GGT7: variants seen among roughly 807,000 people sequenced by gnomAD.
The protein encoded by GGT7 is glutathione hydrolase 7.
A neutral mutation model predicts 69.2 loss-of-function variants in GGT7; 30 were observed. That is an observed-to-expected ratio of 0.43 (90% confidence interval 0.32 to 0.59). The LOEUF is 0.59. GGT7 is among the 20% of genes least tolerant of loss of function. The pLI, the probability that GGT7 is intolerant of heterozygous loss-of-function variation, is 0.05. For missense variants in GGT7, 733 were observed against 901.1 expected, an observed-to-expected ratio of 0.81 and a Z score of 2.39; for synonymous variants, 388 against 391.8, an observed-to-expected ratio of 0.99 and a Z score of 0.12.
At chr20:34,865,997 A>G (rs2079684306) in intron 1 of GGT7, among the ~76,000 whole-genome samples, 1 of 152,212 alleles carries the variant, frequency 6.6e-6, no homozygotes, top group South Asian at 2.1e-4. Flanking sequence ...CTATGTGATA[A>G]TATTAAAAAC....
chr20:34,849,916 A>G (rs2079361155), intron 14 of GGT7, 45 bp downstream of exon 14: 1 of 1,195,826 alleles, frequency 8.4e-7, no homozygotes, highest in Non-Finnish European at 1.2e-6. Context: ...TCCTTTCTCT[A>G]CCTGTCCCTG....
intron 1 of GGT7, among the ~76,000 whole-genome samples, chr20:34,871,231 G>A (rs1399065034): frequency 1.3e-5 from 2 of 152,184 alleles, no homozygotes; most frequent in Non-Finnish European, 2.9e-5. Flanking sequence ...AAGAAAACAT[G>A]TCAGGCAGTT....
chr20:34,868,115 C>T (rs573318514), intron 1 of GGT7, among the ~76,000 whole-genome samples: 2 of 93,464 alleles, frequency 2.1e-5, no homozygotes, highest in South Asian at 5.1e-4. Flanking sequence ...ATCCGCCCGC[C>T]TTGGCCTCCC....
chr20:34,862,950 C>T lies in GGT7; in HGVS notation c.421G>A (p.Ala141Thr), dbSNP rs2079623460. 3.7e-6 allele frequency: 6 copies of T among 1,613,152 alleles called. No homozygotes were observed. In the East Asian group the frequency reaches 1.1e-4, roughly 30 times the overall value. ...CAGCGGGCAGCATCGGTCACCACGGCACCCTGCTGGAAGATCTGGGAGGGG... is the reference window on the plus strand; with the variant it reads ...CAGCGGGCAGCATCGGTCACCACGGTACCCTGCTGGAAGATCTGGGAGGGG... ...FGDPQIFQQG[A>T]VVTDAARCTS... The change falls in exon 3 of 15, where the codon GCC becomes ACC. Residue 141 changes from alanine to threonine, a missense_variant. Physicochemically the swap from Ala to Thr is moderately conservative, Grantham distance 58. Coordinates refer to ENST00000336431, the MANE Select transcript of GGT7 (RefSeq NM_178026.3).
chr20:34,865,246 A>C (rs571554780), intron 1 of GGT7, among the ~76,000 whole-genome samples: 120 of 152,274 alleles, frequency 7.9e-4, no homozygotes, highest in Non-Finnish European at 1.4e-3. Flanking sequence ...CAGCTCACTG[A>C]AACCTCTGCC....
At chr20:34,865,179 GTTGT>G (rs1489259808) in intron 1 of GGT7, among the ~76,000 whole-genome samples, 9 of 152,108 alleles carry the variant, frequency 5.9e-5, no homozygotes, top group African/African-American at 2.2e-4. Flanking sequence ...TGTTATTGTT[GTTGT>G]TTGAGACAGG....
intron 1 of GGT7, among the ~76,000 whole-genome samples, chr20:34,864,725 G>T (rs371051873): frequency 8.4e-6 from 1 of 119,206 alleles, no homozygotes; most frequent in Non-Finnish European, 1.8e-5. Flanking sequence ...TGTCTCAAAA[G>T]AAAAAAAAAA....
At position 34,860,044 on chromosome 20, in the gene GGT7, TG is replaced by T. The variant is rs759112188; in HGVS notation, c.744-3del. On this transcript the variant is annotated splice_region_variant and splice_polypyrimidine_tract_variant and intron_variant, in intron 5 of 14. Transcript: ENST00000336431. ...GCCAGGACTTGGGACCATGGCAGCC[TG>T]GGGGGGCCGGAGAGCAGGGGGTGGA... 3.9e-5 allele frequency: 47 copies of T among 1,206,222 alleles called. No individual in the cohort carries two copies. The highest frequency in any genetic ancestry group is 6.0e-5 in the Admixed American group (2 of 33,488). The allele number at this position is 1,206,222 out of a possible 1,614,324, so 74.7% of individuals were successfully genotyped here.
Position 34,860,061 on chromosome 20 carries a change from A to AG in GGT7, c.744-20dup. 1 of 806,548 alleles carries AG rather than the reference A, an allele frequency of 1.2e-6. No homozygotes were observed. The highest frequency in any genetic ancestry group is 1.7e-6 in the Non-Finnish European group (1 of 596,138). 50.0% of individuals were successfully genotyped at this position (806,548 alleles called of 1,614,324 possible). ...TGGCAGCCTGGGGGGGCCGGAGAGC[A>AG]GGGGGTGGAGGAGGTCCTGGGGGAA... On this transcript the variant is annotated intron_variant, in intron 5 of 14. Coordinates refer to ENST00000336431, the MANE Select transcript of GGT7 (RefSeq NM_178026.3).
Position 34,845,123 on chromosome 20 carries a change from A to ACCCCCCCCCCCCCCCCCC in GGT7, c.*204_*205insGGGGGGGGGGGGGGGGGG. On this transcript the variant is annotated 3_prime_UTR_variant, in exon 15 of 15. Coordinates refer to ENST00000336431, the MANE Select transcript of GGT7 (RefSeq NM_178026.3). ...GTAGATGCTGACACTCACCACCACC[A>ACCCCCCCCCCCCCCCCCC]CCACCACCACCACCACCACCACCAC... 1 of 389,054 alleles carries ACCCCCCCCCCCCCCCCCC rather than the reference A, an allele frequency of 2.6e-6. No individual in the cohort carries two copies. Among genetic ancestry groups the ACCCCCCCCCCCCCCCCCC allele is most frequent in the Non-Finnish European group, 4.7e-6 (1 of 211,456 alleles). The allele number at this position is 389,054 out of a possible 1,614,324, so 24.1% of individuals were successfully genotyped here. A position where few individuals can be genotyped will look rare whatever the true frequency, so the allele number is the denominator to read the frequency against.
At position 34,862,885 on chromosome 20, in the gene GGT7, A is replaced by G. The variant is rs372640641; in HGVS notation, c.486T>C (p.Ser162=). 1.7e-5 allele frequency: 27 copies of G among 1,614,168 alleles called. No individual in the cohort carries two copies. The African/African-American group carries it at 3.5e-4, about 21-fold the overall frequency. The change falls in exon 3 of 15, where the codon TCT becomes TCC. Residue 162 remains serine (S), a synonymous_variant. Coordinates refer to ENST00000336431, the MANE Select transcript of GGT7 (RefSeq NM_178026.3). ...CTGCTGCCACCGCTGCGTCCACAGA[A>G]GATCCCTGTTTACTGAGCACCTCGA... ...LGIEVLSKQG[S]SVDAAVAAAL...
chr20:34,856,910 G>C lies in GGT7; in HGVS notation c.1015-17C>G. ...GTGCTGAGCCTGGAGGGAAGAGAAT[G>C]AGGGAATGACCTCCCACCACTGTGA... On this transcript the variant is annotated splice_polypyrimidine_tract_variant and intron_variant, in intron 7 of 14. Coordinates refer to ENST00000336431, the MANE Select transcript of GGT7 (RefSeq NM_178026.3). The C allele has an allele frequency of 6.6e-7, 1 of 1,513,882 alleles. No homozygotes were observed. Among genetic ancestry groups the C allele is most frequent in the Non-Finnish European group, 9.2e-7 (1 of 1,089,414 alleles). The allele number at this position is 1,513,882 out of a possible 1,614,324, so 93.8% of individuals were successfully genotyped here. A position where few individuals can be genotyped will look rare whatever the true frequency, so the allele number is the denominator to read the frequency against.
Position 34,851,303 on chromosome 20 carries a change from C to T in GGT7, c.1653G>A (p.Ala551=), listed in dbSNP as rs753110256. The T allele has an allele frequency of 1.9e-5, 30 of 1,613,868 alleles. No homozygotes were observed. The highest frequency in any genetic ancestry group is 1.9e-5 in the Non-Finnish European group (23 of 1,180,036). ...CGAGGTAGGTTCCACAGAGCCCCTC[C>T]GCGGGTCGGACCACTGTGGGCAGCA... ...SFLLPTVVRP[A]EGLCGTYLAL... Residue 551 remains alanine (A), a synonymous_variant, in exon 13 of 15, where the codon GCG becomes GCA. Transcript: ENST00000336431.
Position 34,863,273 on chromosome 20 carries a change from A to C in GGT7, c.405+40T>G, listed in dbSNP as rs1204268703. ...TTCCTCAAACATTACCCCACTCCCC[A>C]CTCCCCAGTTTCCTCCCCCTCCCCA... On this transcript the variant is annotated intron_variant, in intron 2 of 14. Transcript: ENST00000336431. The surrounding 1 kb of genome is among the most constrained non-coding windows in gnomAD (Gnocchi z 4.4). 3.0e-5 allele frequency: 40 copies of C among 1,352,766 alleles called. No individual in the cohort carries two copies. The highest frequency in any genetic ancestry group is 9.6e-5 in the Admixed American group (5 of 52,262). The allele number at this position is 1,352,766 out of a possible 1,614,324, so 83.8% of individuals were successfully genotyped here.
In GGT7 at chr20:34,854,596, C is replaced by T. The variant is rs765891896; in HGVS notation, c.1254G>A (p.Leu418=). Reference sequence around the variant, plus strand: ...AGACGGGATCTCCCAGTCTGCTGGCCAGGGCTAATGCAATCTTCAGGGTCT... The same window carrying T: ...AGACGGGATCTCCCAGTCTGCTGGCTAGGGCTAATGCAATCTTCAGGGTCT... ...VAETLKIALA[L]ASRLGDPVYD... The change falls in exon 10 of 15, where the codon CTG becomes CTA. Residue 418 remains leucine (L), a synonymous_variant. Coordinates refer to ENST00000336431, the MANE Select transcript of GGT7 (RefSeq NM_178026.3). The T allele has an allele frequency of 6.2e-7, 1 of 1,613,044 alleles. No homozygotes were observed. Among genetic ancestry groups the T allele is most frequent in the Non-Finnish European group, 8.5e-7 (1 of 1,179,084 alleles).
chr20:34,846,030 A>C (rs1363208770), intron 14 of GGT7, among the ~76,000 whole-genome samples: 2 of 151,520 alleles, frequency 1.3e-5, no homozygotes, highest in Non-Finnish European at 2.9e-5. Flanking sequence ...GCACCACTGC[A>C]CTCCAGTCTG....
intron 9 of GGT7, 56 bp from the exon 10 acceptor site, chr20:34,854,675 C>A: frequency 6.4e-7 from 1 of 1,574,082 alleles, no homozygotes; most frequent in Admixed American, 1.7e-5. Flanking sequence ...AGAACCCACA[C>A]CCAGTGGACT....
At chr20:34,858,180 G>A (rs191153009) in intron 7 of GGT7, among the ~76,000 whole-genome samples, 56 of 152,304 alleles carry the variant, frequency 3.7e-4, no homozygotes, top group African/African-American at 1.3e-3. Flanking sequence ...AAGGAAAAAT[G>A]CTCTTTCTCT....
intron 9 of GGT7, 69 bp from the exon 10 acceptor site, chr20:34,854,688 C>T (rs1015989223): frequency 1.4e-5 from 22 of 1,571,216 alleles, no homozygotes; most frequent in South Asian, 2.2e-5. Flanking sequence ...AGTGGACTTT[C>T]GTGTGTGAGA....
Sources: gnomAD v4.1 joint callset for allele counts (sites outside exome capture counted in the v4.1 genomes callset) on GRCh38, gnomAD v4.1.1 for gene constraint, Gnocchi (gnomAD v3.1) non-coding constraint, MANE v1.5 for transcripts, NCBI Gene and HGNC (gene_info 2026-07-23, HGNC 2026-07-21) for gene names.